The following PLEKHM2 variants were observed in gnomAD, a reference collection of about 807,000 sequenced individuals.
PLEKHM2 encodes the protein pleckstrin homology and RUN domain containing M2, also known as pleckstrin homology domain-containing family M member 2.
A neutral mutation model predicts 116.3 loss-of-function variants in PLEKHM2; 77 were observed. The observed-to-expected ratio is 0.66, with a 90% CI of 0.55 to 0.80. PLEKHM2 has a LOEUF of 0.80. PLEKHM2 is among the 30% of genes least tolerant of loss of function. The pLI is 0.00. For synonymous variants in PLEKHM2, 562 were observed against 571.0 expected (o/e 0.98, Z 0.22); for missense variants, 1,183 against 1,354.9 (o/e 0.87, Z 1.99).
At chr1:15,703,283 G>T (rs1385245810) in intron 1 of PLEKHM2, among the ~76,000 whole-genome samples, 2 of 152,190 alleles carry the variant, frequency 1.3e-5, no homozygotes, top group African/African-American at 4.8e-5. Context: ...CAGGCACAGC[G>T]GTGGAGCCCC....
At chr1:15,685,678 TTGTC>T (rs149768423) in intron 1 of PLEKHM2, among the ~76,000 whole-genome samples, 1,565 of 152,228 alleles carry the variant, frequency 0.01, 28 homozygotes, top group African/African-American at 0.034. Context: ...ATTTAAATAA[TTGTC>T]TGTTTTCCCA....
intron 1 of PLEKHM2, among the ~76,000 whole-genome samples, chr1:15,712,118 CAAAAAAAA>C (rs1005404755): frequency 1.9e-5 from 1 of 51,688 alleles, no homozygotes; most frequent in Admixed American, 2.1e-4. Flanking sequence ...GATTCAGTCT[CAAAAAAAA>C]AAAAAAAAAA....
chr1:15,725,823 G>A (rs1225792393), intron 8 of PLEKHM2: 1 of 480,796 alleles, frequency 2.1e-6, no homozygotes, highest in East Asian at 3.6e-5. Flanking sequence ...AGGTCAGGGT[G>A]CCGGTGTGGC....
At position 15,725,309 on chromosome 1, in the gene PLEKHM2, C is replaced by G; in HGVS notation, c.713-8C>G. 1.9e-6 allele frequency: 3 copies of G among 1,546,978 alleles called. No individual in the cohort carries two copies. Among genetic ancestry groups the G allele is most frequent in the Non-Finnish European group, 2.6e-6 (3 of 1,143,264 alleles). On this transcript the variant is annotated splice_region_variant and splice_polypyrimidine_tract_variant and intron_variant, in intron 7 of 19. Transcript: ENST00000375799. Reference sequence around the variant, plus strand: ...GACAGGGTGTCTCCTGCTTCCTTGTCCTCCCAGATGGAGACCTCACAGACA... The same window carrying G: ...GACAGGGTGTCTCCTGCTTCCTTGTGCTCCCAGATGGAGACCTCACAGACA...
chr1:15,730,005 G>T, intron 14 of PLEKHM2, 76 bp downstream of exon 14: 1 of 1,051,048 alleles, frequency 9.5e-7, no homozygotes, highest in South Asian at 1.5e-5. Context: ...GAGCGTTAAG[G>T]GATGCACGTG....
In PLEKHM2 at chr1:15,732,423, C is replaced by T. The variant is rs765432354; in HGVS notation, c.2699C>T (p.Thr900Met). Reference sequence around the variant, plus strand: ...GTCCTCACGGATGACCGCCTCTTTACGTGCCATGAGGATTGCCAGACCAGC... The same window carrying T: ...GTCCTCACGGATGACCGCCTCTTTATGTGCCATGAGGATTGCCAGACCAGC... ...CLVLTDDRLF[T>M]CHEDCQTSFF... The change falls in exon 18 of 20, where the codon ACG becomes ATG. Residue 900 changes from threonine (T) to methionine (M), a missense_variant. Physicochemically the swap from Thr to Met is moderately conservative, Grantham distance 81. This residue lies in a region of PLEKHM2 where 594 missense variants were observed against 720.1 expected (regional missense o/e 0.82). Coordinates refer to ENST00000375799, the MANE Select transcript of PLEKHM2 (RefSeq NM_015164.4). 19 of 1,581,836 alleles carry T rather than the reference C, an allele frequency of 1.2e-5. No individual in the cohort carries two copies. In the South Asian group the frequency reaches 1.5e-4, roughly 12 times the overall value.
At chr1:15,713,922 G>GC (rs1641388997) in intron 1 of PLEKHM2, among the ~76,000 whole-genome samples, 1 of 145,712 alleles carries the variant, frequency 6.9e-6, no homozygotes, top group South Asian at 2.1e-4. Flanking sequence ...ACAGGCGTGA[G>GC]CCACTGCAGC....
intron 3 of PLEKHM2, among the ~76,000 whole-genome samples, chr1:15,717,577 G>T (rs941288800): frequency 6.6e-6 from 1 of 152,194 alleles, no homozygotes; most frequent in East Asian, 1.9e-4. Flanking sequence ...GCCTGAGCAC[G>T]TGCTATGGAG....
rs546145405 is a variant in PLEKHM2 at position 15,704,028 on chromosome 1, A to T, written c.61-12209A>T. ...CCTTAGGGAACCACCATGTTTAAAA[A>T]TTTACCTTAAATCTGAATCTCTCTC... On this transcript the variant is annotated intron_variant, in intron 1 of 19. Transcript: ENST00000375799. Among the ~76,000 whole-genome samples the T allele has an allele frequency of 6.9e-4, 105 of 152,200 alleles. 1 individual carries two copies. The highest frequency in any genetic ancestry group is 2.5e-3 in the African/African-American group (103 of 41,522).
At chr1:15,689,052 C>T (rs963778197) in intron 1 of PLEKHM2, among the ~76,000 whole-genome samples, 6 of 151,934 alleles carry the variant, frequency 3.9e-5, no homozygotes, top group Admixed American at 6.6e-5. Context: ...AGATCGAGAC[C>T]GGCCTGACCA....
chr1:15,714,536 G>A (rs113974229), intron 1 of PLEKHM2, among the ~76,000 whole-genome samples: 38 of 152,268 alleles, frequency 2.5e-4, no homozygotes, highest in African/African-American at 8.9e-4. Flanking sequence ...GAAGGGAAGG[G>A]AAGACCCTGC....
chr1:15,705,357 A>T (rs1253933826), intron 1 of PLEKHM2, among the ~76,000 whole-genome samples: 1 of 150,806 alleles, frequency 6.6e-6, no homozygotes, highest in African/African-American at 2.4e-5. Flanking sequence ...AATTTTTTGT[A>T]TTTTTGCTGA....
chr1:15,710,855 G>C (rs1557650052), intron 1 of PLEKHM2, among the ~76,000 whole-genome samples: 1 of 152,182 alleles, frequency 6.6e-6, no homozygotes. Flanking sequence ...AGAGGATTAG[G>C]AAGAGCTGGA....
Position 15,727,641 on chromosome 1 carries a change from G to A in PLEKHM2, c.1569G>A (p.Glu523=), listed in dbSNP as rs1256799137. 6.3e-7 allele frequency: 1 copy of A among 1,593,384 alleles called. No homozygotes were observed. Among genetic ancestry groups the A allele is most frequent in the Non-Finnish European group, 8.5e-7 (1 of 1,170,684 alleles). ...GGCCCCTAGAGGATACCACGAGGGAGGCTCAGGAGCTGGAGGCCCAGCTGT... is the reference window on the plus strand; with the variant it reads ...GGCCCCTAGAGGATACCACGAGGGAAGCTCAGGAGCTGGAGGCCCAGCTGT... ...TPRPLEDTTR[E]AQELEAQLSL... The change falls in exon 9 of 20, where the codon GAG becomes GAA. Residue 523 remains glutamate (E), a synonymous_variant. Coordinates refer to ENST00000375799, the MANE Select transcript of PLEKHM2 (RefSeq NM_015164.4). This position sits in a 1 kb window ranked among gnomAD's most constrained non-coding sequence, Gnocchi z 7.5.
At chr1:15,684,745 G>C in intron 1 of PLEKHM2, 127 bp downstream of exon 1, 1 of 346,436 alleles carries the variant, frequency 2.9e-6, no homozygotes, top group Non-Finnish European at 4.7e-6. Flanking sequence ...ACGAGCGGCC[G>C]GGAGCCCCGG....
chr1:15,732,305 C>T, intron 17 of PLEKHM2, 45 bp from the exon 18 acceptor site: 1 of 1,479,048 alleles, frequency 6.8e-7, no homozygotes, highest in South Asian at 1.3e-5. Context: ...TGGTGCAGAC[C>T]AGCCCTGGAG....
chr1:15,726,491 T>C (rs540461441), intron 8 of PLEKHM2, among the ~76,000 whole-genome samples: 31 of 152,296 alleles, frequency 2.0e-4, no homozygotes, highest in African/African-American at 7.2e-4. Context: ...AGCATCATGC[T>C]CAGACCTGGG....
At position 15,725,382 on chromosome 1, in the gene PLEKHM2, G is replaced by T. The variant is rs1264074912; in HGVS notation, c.778G>T (p.Ala260Ser). 6.4e-7 allele frequency: 1 copy of T among 1,552,006 alleles called. No individual in the cohort carries two copies. Among genetic ancestry groups the T allele is most frequent in the Non-Finnish European group, 8.7e-7 (1 of 1,147,372 alleles). The stretch of plus-strand genomic sequence containing the variant: ...AGCCTCCGACCTGACCAGCAGCAAG[G>T]CCTCCACCAGGAGCCCCACCCAGCG... ...STASDLTSSK[A>S]STRSPTQRQN... The change falls in exon 8 of 20, where the codon GCC (alanine) becomes TCC (serine). Residue 260 changes from alanine (A) to serine (S), a missense_variant. Transcript: ENST00000375799.
At chr1:15,732,171 G>T in intron 17 of PLEKHM2, 123 bp downstream of exon 17, 2 of 1,007,050 alleles carry the variant, frequency 2.0e-6, no homozygotes, top group Non-Finnish European at 1.5e-6. Context: ...CCAGGGGGCA[G>T]CCCAGGAATG....
Sources: gnomAD v4.1 joint callset for allele counts (sites outside exome capture counted in the v4.1 genomes callset) on GRCh38, gnomAD v4.1.1 for gene constraint, gnomAD v4.1.1 regional missense constraint, Gnocchi (gnomAD v3.1) non-coding constraint, MANE v1.5 for transcripts, NCBI Gene and HGNC (gene_info 2026-07-23, HGNC 2026-07-21) for gene names.